Variants in GPHN observed in about 807,000 individuals in gnomAD.
GPHN encodes gephyrin.
A neutral mutation model predicts 95.5 loss-of-function variants in GPHN; 17 were observed. That is an observed-to-expected ratio of 0.18 (90% CI 0.12 to 0.27). The LOEUF is 0.27. GPHN is among the 10% of genes least tolerant of loss of function. The pLI is 1.00. For synonymous variants in GPHN, 320 were observed against 322.5 expected, an observed-to-expected ratio of 0.99 and a Z score of 0.08; for missense variants, 660 against 978.1, an observed-to-expected ratio of 0.67 and a Z score of 4.34.
chr14:66,800,495 A>G (rs1363635423), intron 3 of GPHN, among the ~76,000 whole-genome samples: 3 of 152,068 alleles, frequency 2.0e-5, no homozygotes, highest in South Asian at 2.1e-4. Flanking sequence ...TAAATATGTC[A>G]TGCCCCTCTT....
the GPHN span, chr14:67,571,428 G>A: frequency 9.6e-4 from 239 of 249,274 alleles, 2 homozygotes; most frequent in South Asian, 0.01. Context: ...TTTAAAGCTC[G>A]CATGGCACAC....
chr14:67,615,692 G>A, the GPHN span: 6 of 493,444 alleles, frequency 1.2e-5, no homozygotes, highest in Admixed American at 2.5e-5. Context: ...GACAAGGCCC[G>A]TTACGAAAGA....
At chr14:67,689,842 G>A in the GPHN span, among the ~76,000 whole-genome samples, 2 of 152,200 alleles carry the variant, frequency 1.3e-5, no homozygotes. Context: ...TACTCAGGAG[G>A]CTGAGGCAGG....
At chr14:66,700,320 A>G (rs548208484) in intron 2 of GPHN, among the ~76,000 whole-genome samples, 3 of 152,204 alleles carry the variant, frequency 2.0e-5, no homozygotes, top group Non-Finnish European at 2.9e-5. Context: ...TTTGACACAC[A>G]TACTGGAATT....
chr14:67,308,129 A>T, the GPHN span, among the ~76,000 whole-genome samples: 1 of 152,164 alleles, frequency 6.6e-6, no homozygotes, highest in African/African-American at 2.4e-5. Context: ...ACTAATGGGT[A>T]CTAGGCTTAA....
chr14:66,559,098 T>A (rs1446483456), intron 1 of GPHN, among the ~76,000 whole-genome samples: 1 of 152,228 alleles, frequency 6.6e-6, no homozygotes, highest in Admixed American at 6.5e-5. Flanking sequence ...TAGTATTCCA[T>A]GGTGTATATA....
the GPHN span, chr14:67,383,426 A>G: frequency 3.8e-5 from 61 of 1,613,372 alleles, no homozygotes; most frequent in East Asian, 6.7e-5. Context: ...AATGGAAGCC[A>G]AAGCTGAAGA....
the GPHN span, chr14:67,584,970 C>T: frequency 6.6e-6 from 1 of 152,344 alleles, no homozygotes; most frequent in Non-Finnish European, 1.5e-5. Context: ...GTCTATCTGC[C>T]TCCCTTTGGG....
At chr14:66,661,894 A>G (rs572385761) in intron 1 of GPHN, among the ~76,000 whole-genome samples, 64 of 152,270 alleles carry the variant, frequency 4.2e-4, no homozygotes, top group African/African-American at 1.4e-3. Flanking sequence ...CAGCTGCTCT[A>G]TGAAACCATG....
the GPHN span, chr14:67,312,644 C>G: frequency 6.2e-7 from 1 of 1,613,168 alleles, no homozygotes; most frequent in South Asian, 1.1e-5. Context: ...TCAAGAAGAT[C>G]CAAACTGGTG....
intron 21 of GPHN, among the ~76,000 whole-genome samples, chr14:67,171,517 T>G (rs1386392396): frequency 6.6e-6 from 1 of 152,162 alleles, no homozygotes; most frequent in Non-Finnish European, 1.5e-5. Flanking sequence ...ACCCTTGTTC[T>G]CAGCTTTTTT....
At chr14:66,694,391 T>A (rs1296991341) in intron 2 of GPHN, among the ~76,000 whole-genome samples, 1 of 152,220 alleles carries the variant, frequency 6.6e-6, no homozygotes, top group East Asian at 1.9e-4. Context: ...TGGTATTTTT[T>A]AAATAGCAGC....
intron 1 of GPHN, among the ~76,000 whole-genome samples, chr14:66,579,655 G>A (rs76272770): frequency 0.027 from 4,038 of 151,798 alleles, 94 homozygotes; most frequent in Middle Eastern, 0.061. Context: ...AGAAGATACA[G>A]CAATTGTAAA....
rs557417376 is a variant in GPHN, at chr14:66,546,799, G to A, written c.64+38208G>A. Among the ~76,000 whole-genome samples the A allele has an allele frequency of 6.7e-5, 10 of 149,946 alleles. No homozygotes were observed. In the South Asian group the frequency reaches 2.2e-3, roughly 33 times the overall value. On this transcript the variant is annotated intron_variant, in intron 1 of 22. Transcript: ENST00000478722. The stretch of plus-strand genomic sequence containing the variant: ...GAGGGAGACCGTGGGGAGAGGGAGA[G>A]GGGGAGGGGGAGGGGGAGGGAGAGG...
At chr14:67,238,728 C>T in the GPHN span, among the ~76,000 whole-genome samples, 2 of 152,118 alleles carry the variant, frequency 1.3e-5, no homozygotes, top group South Asian at 2.1e-4. Flanking sequence ...ACTGCAGCAT[C>T]GACCTCCCAG....
At chr14:66,806,050 G>A (rs149292414) in intron 3 of GPHN, among the ~76,000 whole-genome samples, 176 of 152,286 alleles carry the variant, frequency 1.2e-3, no homozygotes, top group African/African-American at 4.2e-3. Flanking sequence ...GGGCATCCAG[G>A]CGTTTTCATA....
chr14:67,396,754 G>A, the GPHN span, among the ~76,000 whole-genome samples: 1 of 152,228 alleles, frequency 6.6e-6, no homozygotes, highest in African/African-American at 2.4e-5. Context: ...CAGGGATAAA[G>A]GGTTTTCTGC....
At chr14:66,794,751 A>T (rs1025391440) in intron 3 of GPHN, among the ~76,000 whole-genome samples, 2 of 152,156 alleles carry the variant, frequency 1.3e-5, no homozygotes, top group Admixed American at 1.3e-4. Context: ...TTTGATCTTG[A>T]AGAGGTCTAT....
At chr14:67,444,413 C>A in the GPHN span, among the ~76,000 whole-genome samples, 3 of 152,166 alleles carry the variant, frequency 2.0e-5, no homozygotes, top group African/African-American at 7.2e-5. Context: ...GCATTCAGAG[C>A]ATGTTTTTCA....
Sources: allele counts gnomAD v4.1 joint callset (sites outside exome capture counted in the v4.1 genomes callset), GRCh38; gene constraint gnomAD v4.1.1; transcripts MANE v1.5; gene names NCBI Gene and HGNC (gene_info 2026-07-23, HGNC 2026-07-21).